The following UBA6 variants were observed in gnomAD, a reference collection of about 807,000 sequenced individuals.
UBA6 encodes the protein ubiquitin like modifier activating enzyme 6, also known as ubiquitin-like modifier-activating enzyme 6.
Under a neutral mutation model 148.3 loss-of-function variants are expected in UBA6, and 87 were observed. That is an observed-to-expected ratio of 0.59 (90% CI 0.49 to 0.70). The LOEUF is 0.70. Among genes scored for constraint, UBA6 ranks in the 30% least tolerant of loss-of-function variants. The pLI is 0.00. For synonymous variants in UBA6, 376 were observed against 401.0 expected (o/e 0.94, Z 0.75); for missense variants, 1,186 against 1,241.2 (o/e 0.96, Z 0.67).
chr4:67,636,124 T>C (rs1560481571), intron 19 of UBA6, among the ~76,000 whole-genome samples: 1 of 152,202 alleles, frequency 6.6e-6, no homozygotes, highest in Non-Finnish European at 1.5e-5. Context: ...CATTCATTCA[T>C]CTACTTATTT....
At chr4:67,673,920 T>C (rs898226522) in intron 6 of UBA6, 143 bp from the exon 7 acceptor site, 2 of 455,298 alleles carry the variant, frequency 4.4e-6, no homozygotes, top group Admixed American at 3.6e-5. Flanking sequence ...CGGAATTCCA[T>C]TCCAAGGTTA....
intron 1 of UBA6, 96 bp downstream of exon 1, chr4:67,700,953 C>T (rs56201533): frequency 6.6e-7 from 1 of 1,513,096 alleles, no homozygotes; most frequent in Non-Finnish European, 9.1e-7. Flanking sequence ...CCCGCGGCCT[C>T]TCGGGCGCCC....
intron 11 of UBA6, chr4:67,663,633 T>A: frequency 2.1e-6 from 1 of 481,486 alleles, no homozygotes. Flanking sequence ...CTTATAATTA[T>A]CAAAGTTGGC....
chr4:67,621,378 G>A (rs909202911), intron 32 of UBA6, among the ~76,000 whole-genome samples: 1 of 152,234 alleles, frequency 6.6e-6, no homozygotes, highest in Non-Finnish European at 1.5e-5. Flanking sequence ...TTACTAGTCT[G>A]ACAAATATTT....
At chr4:67,698,061 G>A (rs13143437) in intron 1 of UBA6, among the ~76,000 whole-genome samples, 34,957 of 152,046 alleles carry the variant, frequency 0.23, 4,178 homozygotes, top group Middle Eastern at 0.3. Context: ...TTGCTGTTTC[G>A]CAAGAAGGCA....
chr4:67,650,640 T>A (rs1170617463), intron 13 of UBA6, among the ~76,000 whole-genome samples: 1 of 152,136 alleles, frequency 6.6e-6, no homozygotes, highest in East Asian at 1.9e-4. Context: ...GCAAACTCCA[T>A]CAGCACTCTC....
In UBA6 at chr4:67,614,467, A is replaced by T. The variant is rs1235245414; in HGVS notation, c.*4530T>A. 2 of 152,188 alleles carry T rather than the reference A, an allele frequency of 1.3e-5. No individual in the cohort carries two copies. Among genetic ancestry groups the T allele is most frequent in the Admixed American group, 6.5e-5 (1 of 15,268 alleles). The allele number at this position is 152,188 out of a possible 1,614,324, so 9.4% of individuals were successfully genotyped here. On this transcript the variant is annotated 3_prime_UTR_variant, in exon 33 of 33. Coordinates refer to ENST00000322244, the MANE Select transcript of UBA6 (RefSeq NM_018227.6). ...AGATGTTGATGAAATCTGTATTCAC[A>T]TACGGGTATAATACATGACTTTGGT...
intron 13 of UBA6, among the ~76,000 whole-genome samples, chr4:67,656,594 G>A (rs13147404): frequency 0.22 from 34,197 of 152,118 alleles, 4,029 homozygotes; most frequent in Middle Eastern, 0.3. Context: ...GGCAAAAACT[G>A]GAAGCATTCC....
chr4:67,660,967 C>G (rs907460518), intron 13 of UBA6, among the ~76,000 whole-genome samples: 1 of 152,106 alleles, frequency 6.6e-6, no homozygotes, highest in African/African-American at 2.4e-5. Flanking sequence ...TTAATGATTG[C>G]CCTATGGGAT....
chr4:67,625,250 A>T, intron 28 of UBA6, 63 bp from the exon 29 acceptor site: 1 of 1,229,112 alleles, frequency 8.1e-7, no homozygotes, highest in Non-Finnish European at 1.1e-6. Context: ...ACTAGGTAAA[A>T]AGCAATGTGA....
intron 6 of UBA6, among the ~76,000 whole-genome samples, chr4:67,677,376 T>C (rs940355161): frequency 6.6e-6 from 1 of 152,164 alleles, no homozygotes; most frequent in African/African-American, 2.4e-5. Context: ...TTTGAGTAGT[T>C]TTTAATGGAT....
At position 67,631,717 on chromosome 4, in the gene UBA6, T is replaced by C. The variant is rs75907281; in HGVS notation, c.2249A>G (p.Asn750Ser). 6.2e-7 allele frequency: 1 copy of C among 1,607,766 alleles called. No individual in the cohort carries two copies. The highest frequency in any genetic ancestry group is 1.1e-5 in the South Asian group (1 of 90,418). The change falls in exon 25 of 33, where the codon AAT becomes AGT. Residue 750 changes from asparagine to serine, a missense_variant. Asn to Ser is a conservative substitution (Grantham distance 46, BLOSUM62 1). Transcript: ENST00000322244. Reference protein sequence around the residue: ...RPPSPIKFDLNEPLHLSFLQN... With the variant: ...RPPSPIKFDLSEPLHLSFLQN... ...AAATATAAATACTTACAAAGGCTCA[T>C]TTAAATCAAATTTTATTGGAGAGGG...
At chr4:67,621,728 T>C (rs1333766765) in intron 32 of UBA6, among the ~76,000 whole-genome samples, 1 of 151,990 alleles carries the variant, frequency 6.6e-6, no homozygotes, top group Non-Finnish European at 1.5e-5. Flanking sequence ...TCGCTTGAAC[T>C]CAGGAGGCAG....
At position 67,616,089 on chromosome 4, in the gene UBA6, A is replaced by T. The variant is rs1728620640; in HGVS notation, c.*2908T>A. ...TATTTCTCAATAAAAAAACAAAGTT[A>T]TGACATAGAGCAAAATGAACACATA... On this transcript the variant is annotated 3_prime_UTR_variant, in exon 33 of 33. Transcript: ENST00000322244. 2.5e-6 allele frequency: 1 copy of T among 395,604 alleles called. No individual in the cohort carries two copies. The highest frequency in any genetic ancestry group is 4.4e-5 in the Admixed American group (1 of 22,626). The allele number at this position is 395,604 out of a possible 1,614,324, so 24.5% of individuals were successfully genotyped here.
intron 7 of UBA6, among the ~76,000 whole-genome samples, chr4:67,673,176 G>T (rs1730190648): frequency 6.6e-6 from 1 of 151,896 alleles, no homozygotes; most frequent in African/African-American, 2.4e-5. Context: ...AAAATTAGAG[G>T]CTGGGCGCAG....
At chr4:67,653,721 G>A (rs1186183391) in intron 13 of UBA6, among the ~76,000 whole-genome samples, 1 of 152,032 alleles carries the variant, frequency 6.6e-6, no homozygotes, top group Non-Finnish European at 1.5e-5. Context: ...CAGAAGGTTG[G>A]TAATAACAAA....
chr4:67,682,814 A>G (rs993832684), intron 2 of UBA6, among the ~76,000 whole-genome samples: 35 of 152,248 alleles, frequency 2.3e-4, no homozygotes, highest in African/African-American at 8.2e-4. Flanking sequence ...ACTTGATGCT[A>G]TCTTTGGAGA....
chr4:67,663,658 G>A (rs561577320), intron 11 of UBA6: 6 of 502,252 alleles, frequency 1.2e-5, no homozygotes, highest in African/African-American at 1.2e-4. Context: ...CATTATAAAA[G>A]TGAAACTTTT....
In UBA6 at chr4:67,639,093, G is replaced by A. The variant is rs1577800421; in HGVS notation, c.1586C>T (p.Thr529Ile). 1 of 1,613,078 alleles carries A rather than the reference G, an allele frequency of 6.2e-7. No homozygotes were observed. ...CTTTATTTGAGAATTTATTTTCAGA[G>A]TAGCATCAGCAGCAGTGTAGCTTTT... ...KPKSYTAADA[T>I]LKINSQIKID... The change falls in exon 19 of 33, where the codon ACT (threonine) becomes ATT (isoleucine). Residue 529 changes from threonine to isoleucine, a missense_variant. Transcript: ENST00000322244.
Sources: allele counts gnomAD v4.1 joint callset (sites outside exome capture counted in the v4.1 genomes callset), GRCh38; gene constraint gnomAD v4.1.1; transcripts MANE v1.5; gene names NCBI Gene and HGNC (gene_info 2026-07-23, HGNC 2026-07-21).